TRIM71: variants seen among roughly 807,000 people sequenced by gnomAD.
TRIM71 encodes E3 ubiquitin-protein ligase TRIM71.
In TRIM71, 9 loss-of-function variants were observed where a neutral mutation model predicts 61.2. The ratio of observed to expected loss-of-function variants is 0.15; its 90% confidence interval spans 0.09 to 0.26. The LOEUF (loss-of-function observed/expected upper bound fraction) is 0.26, where lower values mean the gene tolerates loss of function less well. TRIM71 is among the 10% of genes least tolerant of loss of function. TRIM71 has a pLI of 1.00. For missense variants in TRIM71, 998 were observed against 1,238.7 expected (o/e 0.81, Z 2.92); for synonymous variants, 645 against 553.2 (o/e 1.17, Z -2.33).
At chr3:32,833,770 T>C (rs1274244439) in intron 1 of TRIM71, among the ~76,000 whole-genome samples, 1 of 152,110 alleles carries the variant, frequency 6.6e-6, no homozygotes, top group Non-Finnish European at 1.5e-5. Context: ...ATGCCCTGTT[T>C]ATAAGTGAAG....
intron 2 of TRIM71, among the ~76,000 whole-genome samples, 153 bp from the exon 3 acceptor site, chr3:32,885,781 C>CT (rs1453393894): frequency 6.6e-6 from 1 of 152,206 alleles, no homozygotes; most frequent in African/African-American, 2.4e-5. Flanking sequence ...CAGTCTCTCC[C>CT]TAAGTGCCTG....
chr3:32,831,536 CTTTT>C (rs71068093), intron 1 of TRIM71, among the ~76,000 whole-genome samples: 5 of 96,692 alleles, frequency 5.2e-5, no homozygotes, highest in Admixed American at 2.5e-4. Flanking sequence ...GCTTATCTTC[CTTTT>C]TTTTTTTTTT....
At chr3:32,823,573 G>A (rs1435407882) in intron 1 of TRIM71, among the ~76,000 whole-genome samples, 2 of 152,144 alleles carry the variant, frequency 1.3e-5, no homozygotes, top group Non-Finnish European at 2.9e-5. Flanking sequence ...GGAAAAAAAC[G>A]TTACTTTTTC....
chr3:32,841,763 A>C (rs1465670260), intron 1 of TRIM71, among the ~76,000 whole-genome samples: 1 of 152,104 alleles, frequency 6.6e-6, no homozygotes, highest in Non-Finnish European at 1.5e-5. Flanking sequence ...GGTTTGTGGG[A>C]CTTCACCTAA....
At chr3:32,889,145 CTGTG>C (rs1696994905) in intron 3 of TRIM71, among the ~76,000 whole-genome samples, 1 of 152,192 alleles carries the variant, frequency 6.6e-6, no homozygotes, top group African/African-American at 2.4e-5. Context: ...AACTACAACT[CTGTG>C]TGAGCAAGGA....
intron 1 of TRIM71, among the ~76,000 whole-genome samples, chr3:32,871,240 A>G (rs1186449385): frequency 6.6e-6 from 1 of 152,178 alleles, no homozygotes; most frequent in African/African-American, 2.4e-5. Flanking sequence ...TTCCATAGCC[A>G]GGTAGTGCCA....
At chr3:32,847,506 G>A (rs999988914) in intron 1 of TRIM71, among the ~76,000 whole-genome samples, 8 of 152,130 alleles carry the variant, frequency 5.3e-5, no homozygotes, top group Admixed American at 1.3e-4. Flanking sequence ...GGGTAGTGCT[G>A]TTTTTAACTT....
In TRIM71 at chr3:32,874,324, TTACTAC is replaced by T. The variant is rs34214588; in HGVS notation, c.1020+379_1020+384del. ...AGAAAGGCTGGGTGCTTAATGCTTA[TTACTAC>T]TACTACTACTACTACTACTACTACT... On this transcript the variant is annotated intron_variant, in intron 2 of 3. Transcript: ENST00000383763. Among the ~76,000 whole-genome samples the T allele has an allele frequency of 6.4e-3, 775 of 121,510 alleles. 6 individuals carry two copies. Among genetic ancestry groups the T allele is most frequent in the East Asian group, 0.016 (73 of 4,578 alleles). 79.7% of individuals were successfully genotyped at this position (121,510 alleles called of 152,430 possible). A position where few individuals can be genotyped will look rare whatever the true frequency, so the allele number is the denominator to read the frequency against.
intron 1 of TRIM71, among the ~76,000 whole-genome samples, chr3:32,821,308 A>G (rs1047991251): frequency 2.0e-5 from 3 of 152,152 alleles, no homozygotes; most frequent in African/African-American, 7.2e-5. Context: ...TGAGCTCCTT[A>G]ACTGAGTTGC....
chr3:32,873,616 CAG>C (rs1205102965), intron 1 of TRIM71, among the ~76,000 whole-genome samples, 200 bp from the exon 2 acceptor site: 1 of 152,102 alleles, frequency 6.6e-6, no homozygotes, highest in Non-Finnish European at 1.5e-5. Flanking sequence ...TAATTTGGGG[CAG>C]AGAGAGTGGG....
chr3:32,893,687 A>G lies in TRIM71; in HGVS notation c.*1876A>G, dbSNP rs1403858653. The G allele has an allele frequency of 6.6e-6, 1 of 152,212 alleles. No homozygotes were observed. The highest frequency in any genetic ancestry group is 2.4e-5 in the African/African-American group (1 of 41,458). The allele number at this position is 152,212 out of a possible 1,614,324, so 9.4% of individuals were successfully genotyped here. A position where few individuals can be genotyped will look rare whatever the true frequency, so the allele number is the denominator to read the frequency against. On this transcript the variant is annotated 3_prime_UTR_variant, in exon 4 of 4. Transcript: ENST00000383763. ...GCAGAACAGATTAACAAATGGAGCA[A>G]TTTGTTTCTGTTATCCCAATAGAAA...
chr3:32,872,047 T>G (rs1212095851), intron 1 of TRIM71, among the ~76,000 whole-genome samples: 1 of 152,138 alleles, frequency 6.6e-6, no homozygotes, highest in African/African-American at 2.4e-5. Context: ...CCAGGGAGGC[T>G]AAGGCAGGAG....
At chr3:32,865,407 A>G (rs559711613) in intron 1 of TRIM71, among the ~76,000 whole-genome samples, 5 of 152,236 alleles carry the variant, frequency 3.3e-5, no homozygotes, top group Non-Finnish European at 5.9e-5. Context: ...AATCACGGAA[A>G]ACTACATACA....
chr3:32,844,102 C>G (rs756369635), intron 1 of TRIM71, among the ~76,000 whole-genome samples: 2 of 152,106 alleles, frequency 1.3e-5, no homozygotes, highest in Non-Finnish European at 2.9e-5. Flanking sequence ...CTCGCGTCGT[C>G]GTTATTTTGT....
chr3:32,836,554 C>T (rs1050107507), intron 1 of TRIM71, among the ~76,000 whole-genome samples: 4 of 152,216 alleles, frequency 2.6e-5, no homozygotes, highest in Admixed American at 2.6e-4. Flanking sequence ...ACTTCCTCTA[C>T]ATTTTGTGTC....
Position 32,818,714 on chromosome 3 carries a change from T to G in TRIM71, c.634T>G (p.Cys212Gly). The G allele has an allele frequency of 1.3e-6, 2 of 1,591,390 alleles. No individual in the cohort carries two copies. The highest frequency in any genetic ancestry group is 1.7e-6 in the Non-Finnish European group (2 of 1,174,868). The change falls in exon 1 of 4, where the codon TGC (cysteine) becomes GGC (glycine). Residue 212 changes from cysteine to glycine, a missense_variant. Coordinates refer to ENST00000383763, the MANE Select transcript of TRIM71 (RefSeq NM_001039111.3). ...CDEGNAASSR[C>G]LDCQEHLCDN... is the part of the protein sequence containing the mutation. ...TGAGGGCAACGCAGCTTCTTCGCGC[T>G]GCCTCGACTGCCAGGAGCACCTGTG... is the stretch of plus-strand genomic sequence containing the variant.
chr3:32,821,821 C>T (rs1204989513), intron 1 of TRIM71, among the ~76,000 whole-genome samples: 4 of 151,352 alleles, frequency 2.6e-5, no homozygotes, highest in African/African-American at 9.7e-5. Context: ...CGCGGGCCTG[C>T]GCCGCCGCCC....
rs373120273 is a variant in TRIM71, at chr3:32,818,698, C to T, written c.618C>T (p.Asn206=). The T allele has an allele frequency of 5.6e-5, 89 of 1,580,414 alleles. No individual in the cohort carries two copies. Among genetic ancestry groups the T allele is most frequent in the Non-Finnish European group, 7.3e-5 (86 of 1,170,634 alleles). ...PHGCSSCDEG[N]AASSRCLDCQ... ...GCTGCAGCTCGTGCGATGAGGGCAACGCAGCTTCTTCGCGCTGCCTCGACT... is the reference window on the plus strand; with the variant it reads ...GCTGCAGCTCGTGCGATGAGGGCAATGCAGCTTCTTCGCGCTGCCTCGACT... The change falls in exon 1 of 4, where the codon AAC becomes AAT. Residue 206 remains asparagine (N), a synonymous_variant. Transcript: ENST00000383763.
In TRIM71 at chr3:32,892,612, A is replaced by G. The variant is rs1697039108; in HGVS notation, c.*801A>G. 1 of 152,202 alleles carries G rather than the reference A, an allele frequency of 6.6e-6. No individual in the cohort carries two copies. The highest frequency in any genetic ancestry group is 2.1e-4 in the South Asian group (1 of 4,832). The allele number at this position is 152,202 out of a possible 1,614,324, so 9.4% of individuals were successfully genotyped here. A position where few individuals can be genotyped will look rare whatever the true frequency, so the allele number is the denominator to read the frequency against. On this transcript the variant is annotated 3_prime_UTR_variant, in exon 4 of 4. Transcript: ENST00000383763. ...TTGTTTCAAAGCCATCTTGCACCCA[A>G]GTAGTAAAGCTGAAAATGACACACT...
Sources: allele counts gnomAD v4.1 joint callset (sites outside exome capture counted in the v4.1 genomes callset), GRCh38; gene constraint gnomAD v4.1.1; transcripts MANE v1.5; gene names NCBI Gene and HGNC (gene_info 2026-07-23, HGNC 2026-07-21).